PGR: variants seen among roughly 807,000 people sequenced by gnomAD.
PGR encodes the protein nuclear receptor subfamily 3 group C member 3.
PGR carries 25 observed loss-of-function variants against 76.1 expected under a neutral mutation model. The observed-to-expected ratio is 0.33, with a 90% CI of 0.24 to 0.46. The LOEUF (loss-of-function observed/expected upper bound fraction) is 0.46. Ranked by LOEUF, PGR falls within the 20% of genes least tolerant of loss-of-function variation. The probability of loss-of-function intolerance (pLI) is 1.00; values close to 1 mark genes in which losing one functional copy is unlikely to be tolerated. For synonymous variants in PGR, 579 were observed against 535.0 expected (o/e 1.08, Z -1.14); for missense variants, 1,172 against 1,225.3 (o/e 0.96, Z 0.65).
chr11:101,125,186 A>AT (rs1862800306), intron 2 of PGR, among the ~76,000 whole-genome samples: 1 of 152,150 alleles, frequency 6.6e-6, no homozygotes, highest in Admixed American at 6.5e-5. Context: ...CTTTCAATGT[A>AT]TTTTTATCTT....
intron 4 of PGR, among the ~76,000 whole-genome samples, chr11:101,061,735 G>GGA (rs1300114061): frequency 6.6e-6 from 1 of 152,202 alleles, no homozygotes; most frequent in Non-Finnish European, 1.5e-5. Context: ...TGGCTCTGCA[G>GGA]TCTAAGATTT....
chr11:101,041,795 A>G (rs896152252), intron 7 of PGR, 150 bp downstream of exon 7: 7 of 665,470 alleles, frequency 1.1e-5, no homozygotes, highest in Non-Finnish European at 1.8e-5. Context: ...AAAACACAAT[A>G]AAAAGTCTGA....
intron 6 of PGR, among the ~76,000 whole-genome samples, chr11:101,046,289 CTAATTTTTTTTTT>C: frequency 9.3e-6 from 1 of 107,484 alleles, no homozygotes; most frequent in East Asian, 2.5e-4. Context: ...CTACGCCTGG[CTAATTTTTTTTTT>C]TTTTTTTTTT....
chr11:101,051,394 A>G, intron 5 of PGR, 30 bp downstream of exon 5: 1 of 1,495,758 alleles, frequency 6.7e-7, no homozygotes, highest in Non-Finnish European at 9.3e-7. Context: ...TACACTTAAA[A>G]TAACAAAAAC....
rs1446822589 is a variant in PGR at position 101,062,499 on chromosome 11, T to A, written c.2160A>T (p.Gln720His). ...CTGAAAGAAGTTGCCTCTCGCCTAG[T>A]TGATTAAGACTTGTCAGCAAAGAAC... ...TSSSLLTSLN[Q>H]LGERQLLSVV... Residue 720 changes from glutamine (Q) to histidine (H), a missense_variant, in exon 4 of 8, where the codon CAA (glutamine) becomes CAT (histidine). Transcript: ENST00000325455. 5 of 1,614,038 alleles carry A rather than the reference T, an allele frequency of 3.1e-6. No individual in the cohort carries two copies. The highest frequency in any genetic ancestry group is 3.4e-6 in the Non-Finnish European group (4 of 1,179,908).
chr11:101,072,715 CA>C (rs762502422), intron 3 of PGR, among the ~76,000 whole-genome samples: 22 of 152,128 alleles, frequency 1.4e-4, no homozygotes, highest in Non-Finnish European at 2.1e-4. Flanking sequence ...CAACAAAGAT[CA>C]AAAGACAAAG....
Position 101,059,812 on chromosome 11 carries a change from C to T in PGR, c.2212+2635G>A, listed in dbSNP as rs541009222. On this transcript the variant is annotated intron_variant, in intron 4 of 7. Transcript: ENST00000325455. ...GAGCCAAGATCATGCCACTGTGGTC[C>T]AGCCTGGGCAATAGAGTGAGACCCT... 9.2e-4 allele frequency among the ~76,000 whole-genome samples: 122 copies of T among 133,288 alleles called. 1 individual carries two copies. The highest frequency in any genetic ancestry group is 3.3e-3 in the African/African-American group (114 of 34,972). The allele number at this position is 133,288 out of a possible 152,430, so 87.4% of individuals were successfully genotyped here. A position where few individuals can be genotyped will look rare whatever the true frequency, so the allele number is the denominator to read the frequency against.
At position 101,127,418 on chromosome 11, in the gene PGR, C is replaced by A; in HGVS notation, c.1637+16G>T. On this transcript the variant is annotated intron_variant, in intron 1 of 7. Coordinates refer to ENST00000325455, the MANE Select transcript of PGR (RefSeq NM_000926.4). ...ACTCCCGGACGCGCTGGGCGTGCCC[C>A]GTCCCGGGCCCTCACCTCAGGTAGT... 6.6e-7 allele frequency: 1 copy of A among 1,524,780 alleles called. No individual in the cohort carries two copies. The highest frequency in any genetic ancestry group is 8.8e-7 in the Non-Finnish European group (1 of 1,135,130). The allele number at this position is 1,524,780 out of a possible 1,614,324, so 94.5% of individuals were successfully genotyped here.
At chr11:101,042,181 A>G in intron 6 of PGR, 79 bp from the exon 7 acceptor site, 1 of 1,445,040 alleles carries the variant, frequency 6.9e-7, no homozygotes, top group Non-Finnish European at 9.6e-7. Flanking sequence ...TTTCTGAGCT[A>G]TATAATGATT....
At chr11:101,127,397 C>T in intron 1 of PGR, 37 bp downstream of exon 1, 1 of 1,476,674 alleles carries the variant, frequency 6.8e-7, no homozygotes, top group Non-Finnish European at 9.1e-7. Context: ...ACCGCTACTC[C>T]CGGACGCGCT....
At chr11:101,103,492 G>C (rs1025263436) in intron 2 of PGR, among the ~76,000 whole-genome samples, 1 of 152,098 alleles carries the variant, frequency 6.6e-6, no homozygotes, top group Admixed American at 6.5e-5. Context: ...TGAACTACAG[G>C]ACACTACAGG....
At chr11:101,099,287 T>G (rs1398512196) in intron 2 of PGR, among the ~76,000 whole-genome samples, 1 of 152,208 alleles carries the variant, frequency 6.6e-6, no homozygotes, top group Non-Finnish European at 1.5e-5. Context: ...ATAAGTATAA[T>G]GTTGTGTAAA....
intron 3 of PGR, among the ~76,000 whole-genome samples, chr11:101,066,813 T>C (rs1354301093): frequency 6.6e-6 from 1 of 152,116 alleles, no homozygotes; most frequent in African/African-American, 2.4e-5. Flanking sequence ...ACCATGAAAA[T>C]ATAACCCAAA....
In PGR at chr11:101,128,330, C is replaced by T. The variant is rs773536170; in HGVS notation, c.741G>A (p.Ala247=). The part of the protein sequence containing the change: ...LKGKPRALGG[A]AAGGGAAAVP... ...CAGCCGCGGCTCCTCCTCCAGCCGC[C>T]GCGCCACCCAGAGCCCGAGGTTTGC... The change falls in exon 1 of 8, where the codon GCG becomes GCA. Residue 247 remains alanine (A), a synonymous_variant. Transcript: ENST00000325455. The T allele has an allele frequency of 1.3e-6, 2 of 1,597,362 alleles. No homozygotes were observed. The highest frequency in any genetic ancestry group is 2.2e-5 in the South Asian group (2 of 90,528).
chr11:101,066,934 T>C (rs1439057203), intron 3 of PGR, among the ~76,000 whole-genome samples: 1 of 152,228 alleles, frequency 6.6e-6, no homozygotes, highest in Non-Finnish European at 1.5e-5. Flanking sequence ...TTGTAGACTA[T>C]TTTCTATACA....
Position 101,119,829 on chromosome 11 carries a change from A to G in PGR, c.1789+6178T>C, listed in dbSNP as rs557291259. On this transcript the variant is annotated intron_variant, in intron 2 of 7. Coordinates refer to ENST00000325455, the MANE Select transcript of PGR (RefSeq NM_000926.4). ...AGTAATTAATATTTGCTCAAATACA[A>G]AACAGTCTAGGAAAACAGCACAGAA... Among the ~76,000 whole-genome samples, 5 of 152,356 alleles carry G rather than the reference A, an allele frequency of 3.3e-5. No homozygotes were observed. In the East Asian group the frequency reaches 9.6e-4, roughly 29 times the overall value.
Position 101,075,626 on chromosome 11 carries a change from A to C in PGR, c.1907-12874T>G, listed in dbSNP as rs995315861. ...AAAGAATTTAAACAAATTTACAAAA[A>C]AAAAAACAAAAAACAACCCCATCAA... On this transcript the variant is annotated intron_variant, in intron 3 of 7. Coordinates refer to ENST00000325455, the MANE Select transcript of PGR (RefSeq NM_000926.4). Among the ~76,000 whole-genome samples, 4 of 151,646 alleles carry C rather than the reference A, an allele frequency of 2.6e-5. 1 individual carries two copies. The highest frequency in any genetic ancestry group is 1.9e-4 in the East Asian group (1 of 5,182).
In PGR at chr11:101,031,909, A is replaced by G. The variant is rs1445969697; in HGVS notation, c.*7207T>C. The G allele has an allele frequency of 4.3e-6, 1 of 230,400 alleles. No individual in the cohort carries two copies. Among genetic ancestry groups the G allele is most frequent in the Non-Finnish European group, 8.6e-6 (1 of 116,460 alleles). The allele number at this position is 230,400 out of a possible 1,614,324, so 14.3% of individuals were successfully genotyped here. Reference sequence around the variant, plus strand: ...CAGCACAACTCAGTTCCTCTTTCTCATTTTCTGAAACTTGAACTGCTCTAG... The same window carrying G: ...CAGCACAACTCAGTTCCTCTTTCTCGTTTTCTGAAACTTGAACTGCTCTAG... On this transcript the variant is annotated 3_prime_UTR_variant, in exon 8 of 8. Transcript: ENST00000325455.
rs1860850396 is a variant in PGR, at chr11:101,069,669, C to A, written c.1907-6917G>T. Among the ~76,000 whole-genome samples, 3 of 152,304 alleles carry A rather than the reference C, an allele frequency of 2.0e-5. No individual in the cohort carries two copies. In the South Asian group the frequency reaches 6.2e-4, roughly 32 times the overall value. ...TGTGGCACATATACACCATGGAATA[C>A]TATGCAGCCATCAAAAGGGATGAGT... On this transcript the variant is annotated intron_variant, in intron 3 of 7. Transcript: ENST00000325455.
Sources: gnomAD v4.1 joint callset for allele counts (sites outside exome capture counted in the v4.1 genomes callset) on GRCh38, gnomAD v4.1.1 for gene constraint, MANE v1.5 for transcripts, NCBI Gene and HGNC (gene_info 2026-07-23, HGNC 2026-07-21) for gene names.